The following ZNF703 variants were observed in gnomAD, a reference collection of about 807,000 sequenced individuals.
ZNF703 encodes the protein NocA-like zinc finger 1.
Under a neutral mutation model 30.7 loss-of-function variants are expected in ZNF703, and 18 were observed. The ratio of observed to expected loss-of-function variants is 0.59; its 90% confidence interval spans 0.40 to 0.87. ZNF703 has a LOEUF of 0.87. ZNF703 is among the 40% of genes least tolerant of loss of function. The probability of loss-of-function intolerance (pLI) is 0.00; values close to 1 mark genes in which losing one functional copy is unlikely to be tolerated. For synonymous variants in ZNF703, 457 were observed against 438.6 expected, an observed-to-expected ratio of 1.04 and a Z score of -0.52; for missense variants, 814 against 847.8, an observed-to-expected ratio of 0.96 and a Z score of 0.50.
Position 37,698,281 on chromosome 8 carries a change from G to T in ZNF703, c.1380G>T (p.Trp460Cys). The T allele has an allele frequency of 6.5e-7, 1 of 1,540,330 alleles. No individual in the cohort carries two copies. Residue 460 changes from tryptophan (W) to cysteine (C), a missense_variant, in exon 2 of 2, where the codon TGG becomes TGT. Transcript: ENST00000331569. ...AACCGCTGCCGCACAGCTGCAACTG[G>T]GTGGCAGCCAGTGGGCCGTGCGACA... ...QNEPLPHSCN[W>C]VAASGPCDKR...
In ZNF703 at chr8:37,698,194, C is replaced by A. The variant is rs1452108869; in HGVS notation, c.1293C>A (p.Ser431Arg). 1.3e-6 allele frequency: 2 copies of A among 1,527,456 alleles called. No homozygotes were observed. The highest frequency in any genetic ancestry group is 2.8e-5 in the African/African-American group (2 of 71,754). The allele number at this position is 1,527,456 out of a possible 1,614,324, so 94.6% of individuals were successfully genotyped here. The change falls in exon 2 of 2, where the codon AGC becomes AGA. Residue 431 changes from serine (S) to arginine (R), a missense_variant. By Grantham distance (110) the Ser-to-Arg change is moderately radical (BLOSUM62 -1). Transcript: ENST00000331569. The part of the protein sequence containing the change: ...HPLQPAALSS[S>R]AAQAALPGHP... ...TGCAGCCCGCCGCGCTCTCGTCCAGCGCCGCCCAGGCCGCGCTCCCCGGCC... is the reference window on the plus strand; with the variant it reads ...TGCAGCCCGCCGCGCTCTCGTCCAGAGCCGCCCAGGCCGCGCTCCCCGGCC...
Position 37,698,663 on chromosome 8 carries a change from G to A in ZNF703, c.1762G>A (p.Gly588Arg). 1 of 1,459,306 alleles carries A rather than the reference G, an allele frequency of 6.9e-7. No individual in the cohort carries two copies. The highest frequency in any genetic ancestry group is 9.1e-7 in the Non-Finnish European group (1 of 1,102,954). The allele number at this position is 1,459,306 out of a possible 1,614,324, so 90.4% of individuals were successfully genotyped here. Residue 588 changes from glycine to arginine, a missense_variant, in exon 2 of 2, where the codon GGA becomes AGA. Coordinates refer to ENST00000331569, the MANE Select transcript of ZNF703 (RefSeq NM_025069.3). ...GAGACTAGCTTCAGCCTCGGCGCTG[G>A]GATACCAGTAACTACAGCTCTTCCT... ...GQRLASASAL[G>R]YQ
Position 37,698,644 on chromosome 8 carries a change from A to G in ZNF703, c.1743A>G (p.Leu581=). Reference sequence around the variant, plus strand: ...CATACGCGCTGTATGGACAGAGACTAGCTTCAGCCTCGGCGCTGGGATACC... The same window carrying G: ...CATACGCGCTGTATGGACAGAGACTGGCTTCAGCCTCGGCGCTGGGATACC... ...YSPYALYGQR[L]ASASALGYQ Residue 581 remains leucine (L), a synonymous_variant, in exon 2 of 2, where the codon CTA becomes CTG. Coordinates refer to ENST00000331569, the MANE Select transcript of ZNF703 (RefSeq NM_025069.3). The G allele has an allele frequency of 1.3e-6, 2 of 1,493,154 alleles. No homozygotes were observed. The highest frequency in any genetic ancestry group is 1.8e-6 in the Non-Finnish European group (2 of 1,120,608). The allele number at this position is 1,493,154 out of a possible 1,614,324, so 92.5% of individuals were successfully genotyped here. A position where few individuals can be genotyped will look rare whatever the true frequency, so the allele number is the denominator to read the frequency against.
chr8:37,697,087 G>A (rs1802080386), intron 1 of ZNF703, 58 bp from the exon 2 acceptor site: 2 of 1,419,552 alleles, frequency 1.4e-6, no homozygotes. Context: ...GCCCCCGCTC[G>A]CCCCGCAGGC....
Position 37,695,806 on chromosome 8 carries a change from C to CAGCGGCGGT in ZNF703, c.-173_-165dup, listed in dbSNP as rs1802056038. ...AGGTTTTTGTGTTGCTAGCCGGGGC[C>CAGCGGCGGT]AGCGGCGGTGGCGGCGGCGGCGGAG... On this transcript the variant is annotated 5_prime_UTR_variant, in exon 1 of 2. Transcript: ENST00000331569. 2 of 540,722 alleles carry CAGCGGCGGT rather than the reference C, an allele frequency of 3.7e-6. No individual in the cohort carries two copies. Among genetic ancestry groups the CAGCGGCGGT allele is most frequent in the African/African-American group, 2.0e-5 (1 of 49,704 alleles). 33.5% of individuals were successfully genotyped at this position (540,722 alleles called of 1,614,324 possible).
In ZNF703 at chr8:37,696,255, C is replaced by A; in HGVS notation, c.243+33C>A. On this transcript the variant is annotated intron_variant, in intron 1 of 1. Coordinates refer to ENST00000331569, the MANE Select transcript of ZNF703 (RefSeq NM_025069.3). The surrounding 1 kb of genome is among the most constrained non-coding windows in gnomAD (Gnocchi z 8.2). The stretch of plus-strand genomic sequence containing the variant: ...CCCGGCCGCTGCCCCCGGGCGCCGG[C>A]CCCATTCCTCCCACCGCGACCGGGA... 6.5e-7 allele frequency: 1 copy of A among 1,546,584 alleles called. No individual in the cohort carries two copies. The highest frequency in any genetic ancestry group is 1.2e-5 in the South Asian group (1 of 84,184).
In ZNF703 at chr8:37,697,572, G is replaced by C. The variant is rs930159769; in HGVS notation, c.671G>C (p.Gly224Ala). 44 of 1,467,542 alleles carry C rather than the reference G, an allele frequency of 3.0e-5. No individual in the cohort carries two copies. The African/African-American group carries it at 6.3e-4, about 21-fold the overall frequency. 90.9% of individuals were successfully genotyped at this position (1,467,542 alleles called of 1,614,324 possible). A position where few individuals can be genotyped will look rare whatever the true frequency, so the allele number is the denominator to read the frequency against. Residue 224 changes from glycine (G) to alanine (A), a missense_variant, in exon 2 of 2, where the codon GGC (glycine) becomes GCC (alanine). By Grantham distance (60) the Gly-to-Ala change is moderately conservative. Transcript: ENST00000331569. ...SSSSPGGSRGGSPHHSDCKNG... is the reference protein window; with the variant it reads ...SSSSPGGSRGASPHHSDCKNG... ...TCGTCGCCCGGCGGCTCCCGCGGCG[G>C]CTCCCCGCACCACTCTGACTGCAAG...
chr8:37,695,864 C>A lies in ZNF703; in HGVS notation c.-116C>A. ...TGGAGGAGGGGAGGCGGCGAGGAGGCGCAGCTCCCGCTGCACCGCGATCGA... is the reference window on the plus strand; with the variant it reads ...TGGAGGAGGGGAGGCGGCGAGGAGGAGCAGCTCCCGCTGCACCGCGATCGA... On this transcript the variant is annotated 5_prime_UTR_variant, in exon 1 of 2. Coordinates refer to ENST00000331569, the MANE Select transcript of ZNF703 (RefSeq NM_025069.3). 1 of 1,001,510 alleles carries A rather than the reference C, an allele frequency of 1.0e-6. No individual in the cohort carries two copies. The highest frequency in any genetic ancestry group is 1.4e-6 in the Non-Finnish European group (1 of 739,880). 62.0% of individuals were successfully genotyped at this position (1,001,510 alleles called of 1,614,324 possible). A position where few individuals can be genotyped will look rare whatever the true frequency, so the allele number is the denominator to read the frequency against.
Position 37,695,815 on chromosome 8 carries a change from T to TGGCGGCGGCGGC in ZNF703, c.-162_-151dup, listed in dbSNP as rs996297534. 1 of 561,618 alleles carries TGGCGGCGGCGGC rather than the reference T, an allele frequency of 1.8e-6. No individual in the cohort carries two copies. Among genetic ancestry groups the TGGCGGCGGCGGC allele is most frequent in the Non-Finnish European group, 2.8e-6 (1 of 351,852 alleles). 34.8% of individuals were successfully genotyped at this position (561,618 alleles called of 1,614,324 possible). ...TGTTGCTAGCCGGGGCCAGCGGCGGTGGCGGCGGCGGCGGAGGCGTCGGTG... is the reference window on the plus strand; with the variant it reads ...TGTTGCTAGCCGGGGCCAGCGGCGGTGGCGGCGGCGGCGGCGGCGGCGGCGGAGGCGTCGGTG... On this transcript the variant is annotated 5_prime_UTR_variant, in exon 1 of 2. Transcript: ENST00000331569.
In ZNF703 at chr8:37,698,438, G is replaced by A. The variant is rs775621602; in HGVS notation, c.1537G>A (p.Ala513Thr). ...CAGCGCCGCCGCCGCCGCCGCCGCC[G>A]CCGCCTCCTGCCATCTGCACCTCCC... ...LGSAAAAAAA[A>T]ASCHLHLPPP... The change falls in exon 2 of 2, where the codon GCC becomes ACC. Residue 513 changes from alanine (A) to threonine (T), a missense_variant. Coordinates refer to ENST00000331569, the MANE Select transcript of ZNF703 (RefSeq NM_025069.3). The A allele has an allele frequency of 6.8e-7, 1 of 1,477,346 alleles. No homozygotes were observed. Among genetic ancestry groups the A allele is most frequent in the Non-Finnish European group, 8.9e-7 (1 of 1,117,332 alleles). 91.5% of individuals were successfully genotyped at this position (1,477,346 alleles called of 1,614,324 possible). A position where few individuals can be genotyped will look rare whatever the true frequency, so the allele number is the denominator to read the frequency against.
rs1340911474 is a variant in ZNF703, at chr8:37,698,460, TC to T, written c.1565del (p.Pro522ArgfsTer21). 5 of 1,488,642 alleles carry T rather than the reference TC, an allele frequency of 3.4e-6. No homozygotes were observed. The highest frequency in any genetic ancestry group is 1.3e-5 in the South Asian group (1 of 76,256). The allele number at this position is 1,488,642 out of a possible 1,614,324, so 92.2% of individuals were successfully genotyped here. Reference sequence around the variant, plus strand: ...GCCGCCGCCTCCTGCCATCTGCACCTCCCCCCGCCCGCCGCCCCCGGCAGCC... The same window carrying T: ...GCCGCCGCCTCCTGCCATCTGCACCTCCCCCGCCCGCCGCCCCCGGCAGCC... The part of the protein sequence containing the change: ...AAAAASCHLH[L>X]PPPAAPGSPG... On this transcript the variant is annotated frameshift_variant, in exon 2 of 2. Transcript: ENST00000331569. LOFTEE classifies it high-confidence loss of function.
rs1456736800 is a variant in ZNF703, at chr8:37,699,030, A to G, written c.*356A>G. 5.5e-6 allele frequency: 1 copy of G among 182,550 alleles called. No homozygotes were observed. Among genetic ancestry groups the G allele is most frequent in the South Asian group, 2.0e-4 (1 of 5,046 alleles). The allele number at this position is 182,550 out of a possible 1,614,324, so 11.3% of individuals were successfully genotyped here. On this transcript the variant is annotated 3_prime_UTR_variant, in exon 2 of 2. Transcript: ENST00000331569. ...TCCTTTTCCTCTTTTTTTGGTTTTGATTGGTTTGGTTTGAGGGAGAGTTGG... is the reference window on the plus strand; with the variant it reads ...TCCTTTTCCTCTTTTTTTGGTTTTGGTTGGTTTGGTTTGAGGGAGAGTTGG...
chr8:37,698,431 C>T lies in ZNF703; in HGVS notation c.1530C>T (p.Ala510=). Residue 510 remains alanine (A), a synonymous_variant, in exon 2 of 2, where the codon GCC becomes GCT. Transcript: ENST00000331569. ...GCCTGGGCAGCGCCGCCGCCGCCGC[C>T]GCCGCCGCCGCCTCCTGCCATCTGC... is the stretch of plus-strand genomic sequence containing the variant. ...ASGLGSAAAA[A]AAAASCHLHL... The T allele has an allele frequency of 2.0e-6, 3 of 1,478,332 alleles. No individual in the cohort carries two copies. The highest frequency in any genetic ancestry group is 5.8e-5 in the East Asian group (2 of 34,428). 91.6% of individuals were successfully genotyped at this position (1,478,332 alleles called of 1,614,324 possible).
Position 37,696,068 on chromosome 8 carries a change from C to A in ZNF703, c.89C>A (p.Pro30Gln), listed in dbSNP as rs1802063032. The change falls in exon 1 of 2, where the codon CCG becomes CAG. Residue 30 changes from proline (P) to glutamine (Q), a missense_variant. Pro to Gln is a moderately conservative substitution (Grantham distance 76, BLOSUM62 -1). Coordinates refer to ENST00000331569, the MANE Select transcript of ZNF703 (RefSeq NM_025069.3). The surrounding 1 kb of genome is among the most constrained non-coding windows in gnomAD (Gnocchi z 8.2). ...GGCGGCGGGAAGAGGCCGGCGGTGCCGGCAGCGGTGTCCCTCTTGCCACCG... is the reference window on the plus strand; with the variant it reads ...GGCGGCGGGAAGAGGCCGGCGGTGCAGGCAGCGGTGTCCCTCTTGCCACCG... Reference protein sequence around the residue: ...SGGGGKRPAVPAAVSLLPPAD... With the variant: ...SGGGGKRPAVQAAVSLLPPAD... 6.4e-7 allele frequency: 1 copy of A among 1,559,784 alleles called. No homozygotes were observed. Among genetic ancestry groups the A allele is most frequent in the Non-Finnish European group, 8.7e-7 (1 of 1,152,162 alleles).
rs1223613419 is a variant in ZNF703 at position 37,696,696 on chromosome 8, CGG to C, written c.244-447_244-446del. On this transcript the variant is annotated intron_variant, in intron 1 of 1. Transcript: ENST00000331569. This position sits in a 1 kb window ranked among gnomAD's most constrained non-coding sequence, Gnocchi z 8.2. Reference sequence around the variant, plus strand: ...CTGCCTCTTCCCTGGGTGCCCTCCCCGGGAGGGAGGGGCTACGGAGAGAGCGC... The same window carrying C: ...CTGCCTCTTCCCTGGGTGCCCTCCCCGAGGGAGGGGCTACGGAGAGAGCGC... Among the ~76,000 whole-genome samples the C allele has an allele frequency of 6.6e-6, 1 of 152,154 alleles. No individual in the cohort carries two copies. The highest frequency in any genetic ancestry group is 2.4e-5 in the African/African-American group (1 of 41,458).
Position 37,698,450 on chromosome 8 carries a change from C to G in ZNF703, c.1549C>G (p.His517Asp). The change falls in exon 2 of 2, where the codon CAT becomes GAT. Residue 517 changes from histidine (H) to aspartate (D), a missense_variant. Transcript: ENST00000331569. ...CGCCGCCGCCGCCGCCGCCTCCTGC[C>G]ATCTGCACCTCCCCCCGCCCGCCGC... Reference protein sequence around the residue: ...AAAAAAAASCHLHLPPPAAPG... With the variant: ...AAAAAAAASCDLHLPPPAAPG... The G allele has an allele frequency of 6.7e-7, 1 of 1,491,718 alleles. No individual in the cohort carries two copies. The highest frequency in any genetic ancestry group is 8.9e-7 in the Non-Finnish European group (1 of 1,122,458). 92.4% of individuals were successfully genotyped at this position (1,491,718 alleles called of 1,614,324 possible).
Position 37,697,206 on chromosome 8 carries a change from C to T in ZNF703, c.305C>T (p.Pro102Leu), listed in dbSNP as rs1169351591. 1.3e-6 allele frequency: 2 copies of T among 1,595,534 alleles called. No homozygotes were observed. The highest frequency in any genetic ancestry group is 8.5e-7 in the Non-Finnish European group (1 of 1,173,558). Residue 102 changes from proline (P) to leucine (L), a missense_variant, in exon 2 of 2, where the codon CCG (proline) becomes CTG (leucine). Pro to Leu is a moderately conservative substitution (Grantham distance 98). Coordinates refer to ENST00000331569, the MANE Select transcript of ZNF703 (RefSeq NM_025069.3). ...LAQTCSQIGK[P>L]DPPPSSKLNS... Reference sequence around the variant, plus strand: ...CAGACCTGCTCGCAGATCGGCAAGCCGGACCCGCCGCCCTCCTCCAAACTC... The same window carrying T: ...CAGACCTGCTCGCAGATCGGCAAGCTGGACCCGCCGCCCTCCTCCAAACTC...
chr8:37,696,321 C>A lies in ZNF703; in HGVS notation c.243+99C>A. On this transcript the variant is annotated intron_variant, in intron 1 of 1. Coordinates refer to ENST00000331569, the MANE Select transcript of ZNF703 (RefSeq NM_025069.3). This position sits in a 1 kb window ranked among gnomAD's most constrained non-coding sequence, Gnocchi z 8.2. ...CAGCGCCCCGGGGCTCGGTGCGACACCCAAGTCTGGTCACGCTGGCGGGCT... is the reference window on the plus strand; with the variant it reads ...CAGCGCCCCGGGGCTCGGTGCGACAACCAAGTCTGGTCACGCTGGCGGGCT... 1 of 1,446,816 alleles carries A rather than the reference C, an allele frequency of 6.9e-7. No homozygotes were observed. The highest frequency in any genetic ancestry group is 9.1e-7 in the Non-Finnish European group (1 of 1,097,062). The allele number at this position is 1,446,816 out of a possible 1,614,324, so 89.6% of individuals were successfully genotyped here. A position where few individuals can be genotyped will look rare whatever the true frequency, so the allele number is the denominator to read the frequency against.
rs539122839 is a variant in ZNF703, at chr8:37,695,871, C to T, written c.-109C>T. The T allele has an allele frequency of 5.5e-4, 592 of 1,083,378 alleles. No homozygotes were observed. The highest frequency in any genetic ancestry group is 6.4e-4 in the Non-Finnish European group (517 of 811,340). 67.1% of individuals were successfully genotyped at this position (1,083,378 alleles called of 1,614,324 possible). A position where few individuals can be genotyped will look rare whatever the true frequency, so the allele number is the denominator to read the frequency against. On this transcript the variant is annotated 5_prime_UTR_variant, in exon 1 of 2. Coordinates refer to ENST00000331569, the MANE Select transcript of ZNF703 (RefSeq NM_025069.3). ...GGGGAGGCGGCGAGGAGGCGCAGCT[C>T]CCGCTGCACCGCGATCGACGCTGCG...
Sources: gnomAD v4.1 joint callset for allele counts (sites outside exome capture counted in the v4.1 genomes callset) on GRCh38, gnomAD v4.1.1 for gene constraint, Gnocchi (gnomAD v3.1) non-coding constraint, MANE v1.5 for transcripts, NCBI Gene and HGNC (gene_info 2026-07-23, HGNC 2026-07-21) for gene names.